ATP2B2: variants seen among roughly 807,000 people sequenced by gnomAD.
ATP2B2 encodes the protein plasma membrane calcium-transporting ATPase 2.
A neutral mutation model predicts 120.0 loss-of-function variants in ATP2B2; 15 were observed. The ratio of observed to expected loss-of-function variants is 0.12; its 90% CI spans 0.08 to 0.19. ATP2B2 has a LOEUF of 0.19. Ranked by LOEUF, ATP2B2 falls within the 10% of genes least tolerant of loss-of-function variation. ATP2B2 has a pLI of 1.00. For missense variants in ATP2B2, 1,045 were observed against 1,719.8 expected (o/e 0.61, Z 6.94); for synonymous variants, 694 against 700.3 (o/e 0.99, Z 0.14).
chr3:10,435,972 T>C (rs908251653), intron 2 of ATP2B2, among the ~76,000 whole-genome samples: 1 of 152,200 alleles, frequency 6.6e-6, no homozygotes, highest in Non-Finnish European at 1.5e-5. Context: ...TTTAGGGGAT[T>C]TGGTCTCCCC....
At chr3:10,552,157 C>A (rs1327277817) in intron 2 of ATP2B2, among the ~76,000 whole-genome samples, 1 of 152,232 alleles carries the variant, frequency 6.6e-6, no homozygotes, top group Non-Finnish European at 1.5e-5. Flanking sequence ...ACGGCCGCCG[C>A]CTCGGTGCCG....
intron 2 of ATP2B2, among the ~76,000 whole-genome samples, chr3:10,539,506 T>C (rs762409636): frequency 2.1e-4 from 32 of 152,134 alleles, no homozygotes; most frequent in Non-Finnish European, 3.4e-4. Context: ...AACAGCATGG[T>C]ACCAAAACAG....
intron 1 of ATP2B2, among the ~76,000 whole-genome samples, chr3:10,697,411 C>T (rs2071757199): frequency 6.6e-6 from 1 of 152,128 alleles, no homozygotes; most frequent in Non-Finnish European, 1.5e-5. Flanking sequence ...AAAATGGGGA[C>T]AGAAGGATCT....
At chr3:10,466,270 G>C (rs1218185555) in intron 1 of ATP2B2, among the ~76,000 whole-genome samples, 1 of 152,226 alleles carries the variant, frequency 6.6e-6, no homozygotes, top group Non-Finnish European at 1.5e-5. Context: ...GTGCAGCACA[G>C]AATAGTCCTG....
chr3:10,437,818 G>A (rs966454809), intron 2 of ATP2B2, among the ~76,000 whole-genome samples: 1 of 152,202 alleles, frequency 6.6e-6, no homozygotes, highest in Non-Finnish European at 1.5e-5. Context: ...AAATTAAGAT[G>A]AGGCCATTAG....
At position 10,689,248 on chromosome 3, in the gene ATP2B2, G is replaced by A. The variant is rs149960622; in HGVS notation, c.-460+18667C>T. ...CTTTTAGAGTAGTCTGGAGCTTGTGGGTGGCGGGGCACATGAGGGTTTTGG... is the reference window on the plus strand; with the variant it reads ...CTTTTAGAGTAGTCTGGAGCTTGTGAGTGGCGGGGCACATGAGGGTTTTGG... On this transcript the variant is annotated intron_variant, in intron 1 of 21. Coordinates refer to the ATP2B2 transcript ENST00000646379. Among the ~76,000 whole-genome samples the A allele has an allele frequency of 2.5e-3, 374 of 152,228 alleles. 2 individuals carry two copies. Among genetic ancestry groups the A allele is most frequent in the Non-Finnish European group, 4.1e-3 (276 of 68,022 alleles).
chr3:10,567,099 T>A (rs1472104277), intron 2 of ATP2B2, among the ~76,000 whole-genome samples: 13 of 152,216 alleles, frequency 8.5e-5, no homozygotes, highest in Admixed American at 8.5e-4. Context: ...CATTGATATC[T>A]AGACCAGCCC....
At position 10,329,041 on chromosome 3, in the gene ATP2B2, C is replaced by T; in HGVS notation, c.3505G>A (p.Ala1169Thr). Residue 1169 changes from alanine (A) to threonine (T), a missense_variant, in exon 23 of 23, where the codon GCT (alanine) becomes ACT (threonine). Ala to Thr is a moderately conservative substitution (Grantham distance 58). Transcript: ENST00000360273. The surrounding 1 kb of genome is among the most constrained non-coding windows in gnomAD (Gnocchi z 5.9). Reference protein sequence around the residue: ...ESRTSIHNFMAHPEFRIEDSQ... With the variant: ...ESRTSIHNFMTHPEFRIEDSQ... ...TCTTCGATCCGGAATTCAGGATGAG[C>T]CATGAAGTTATGGATGGAGGTTCGA... 6.2e-7 allele frequency: 1 copy of T among 1,613,920 alleles called. No individual in the cohort carries two copies.
intron 8 of ATP2B2, among the ~76,000 whole-genome samples, chr3:10,380,364 C>A (rs1158697276): frequency 1.3e-5 from 2 of 152,262 alleles, no homozygotes; most frequent in East Asian, 3.8e-4. Context: ...TGGGAGGGGT[C>A]TGAGAAGGTT....
chr3:10,372,718 G>A (rs898046481), intron 11 of ATP2B2, among the ~76,000 whole-genome samples: 2 of 152,078 alleles, frequency 1.3e-5, no homozygotes, highest in African/African-American at 2.4e-5. Flanking sequence ...GGTACATCTT[G>A]TATATCAACA....
At position 10,408,958 on chromosome 3, in the gene ATP2B2, T is replaced by C. The variant is rs150218742; in HGVS notation, c.397+1660A>G. On this transcript the variant is annotated intron_variant, in intron 3 of 22. Transcript: ENST00000360273. ...TCATGGTTTTGCTACTTTCTAGCTG[T>C]GTGCCCTTAGCAAGCGATTTGCTGT... 4.4e-3 allele frequency among the ~76,000 whole-genome samples: 664 copies of C among 152,356 alleles called. 5 individuals carry two copies. The highest frequency in any genetic ancestry group is 0.015 in the African/African-American group (636 of 41,582).
chr3:10,694,660 A>G (rs2071715703), intron 1 of ATP2B2, among the ~76,000 whole-genome samples: 1 of 152,220 alleles, frequency 6.6e-6, no homozygotes, highest in South Asian at 2.1e-4. Flanking sequence ...ATTCTCACCA[A>G]TACTTGATAG....
intron 2 of ATP2B2, among the ~76,000 whole-genome samples, chr3:10,557,546 T>C (rs544714904): frequency 6.0e-5 from 9 of 151,026 alleles, no homozygotes; most frequent in Admixed American, 1.3e-4. Flanking sequence ...GGAGCTGGGG[T>C]TCCTAGAGGA....
intron 1 of ATP2B2, among the ~76,000 whole-genome samples, chr3:10,495,105 G>A (rs2066090962): frequency 6.6e-6 from 1 of 152,220 alleles, no homozygotes; most frequent in Admixed American, 6.5e-5. Context: ...TCAATTCCTG[G>A]GGGCCAGGCC....
At chr3:10,576,990 G>C (rs1210675250) in intron 2 of ATP2B2, among the ~76,000 whole-genome samples, 1 of 150,392 alleles carries the variant, frequency 6.6e-6, no homozygotes, top group Non-Finnish European at 1.5e-5. Context: ...GGAGGCGGAG[G>C]TTGCAGTGAG....
chr3:10,364,860 AC>A (rs2060997664), intron 12 of ATP2B2, among the ~76,000 whole-genome samples: 1 of 152,212 alleles, frequency 6.6e-6, no homozygotes, highest in Admixed American at 6.5e-5. Flanking sequence ...GTCTCTGGTG[AC>A]CTAGCCAGTA....
At chr3:10,416,299 G>A (rs1307049289) in intron 2 of ATP2B2, among the ~76,000 whole-genome samples, 1 of 152,152 alleles carries the variant, frequency 6.6e-6, no homozygotes, top group Non-Finnish European at 1.5e-5. Context: ...GTATCCAGCT[G>A]TCCTGGATAC....
intron 1 of ATP2B2, among the ~76,000 whole-genome samples, chr3:10,665,457 G>C (rs7652489): frequency 0.76 from 115,047 of 152,066 alleles, 43,634 homozygotes; most frequent in African/African-American, 0.8. Flanking sequence ...CTATCTCTCA[G>C]CAAGCACAAC....
At chr3:10,579,398 TGCGGTGGCTCAC>T (rs1430999629) in intron 2 of ATP2B2, among the ~76,000 whole-genome samples, 1 of 152,168 alleles carries the variant, frequency 6.6e-6, no homozygotes, top group African/African-American at 2.4e-5. Flanking sequence ...AAGGGCCCAG[TGCGGTGGCTCAC>T]GCCTGTAATC....
Sources: allele counts gnomAD v4.1 joint callset (sites outside exome capture counted in the v4.1 genomes callset), GRCh38; gene constraint gnomAD v4.1.1; non-coding constraint Gnocchi (gnomAD v3.1); transcripts MANE v1.5; gene names NCBI Gene and HGNC (gene_info 2026-07-23, HGNC 2026-07-21).